Variants in VTCN1 observed in about 807,000 individuals in gnomAD.
VTCN1 encodes V-set domain containing T cell activation inhibitor 1, also known as V-set domain-containing T-cell activation inhibitor 1.
A neutral mutation model predicts 26.5 loss-of-function variants in VTCN1; 26 were observed. That is an observed-to-expected ratio of 0.98 (90% CI 0.72 to 1.36). The LOEUF is 1.36. VTCN1 is among the 40% of genes most tolerant of loss of function. The pLI, the probability that VTCN1 is intolerant of heterozygous loss-of-function variation, is 0.00. For synonymous variants in VTCN1, 116 were observed against 130.7 expected, an observed-to-expected ratio of 0.89 and a Z score of 0.77; for missense variants, 298 against 337.7, an observed-to-expected ratio of 0.88 and a Z score of 0.92.
At chr1:117,154,829 C>T (rs933356668) in intron 3 of VTCN1, among the ~76,000 whole-genome samples, 5 of 145,174 alleles carry the variant, frequency 3.4e-5, no homozygotes, top group African/African-American at 7.6e-5. Flanking sequence ...AAAGAAAAAA[C>T]GGAGAAACCG....
At chr1:117,188,553 C>A (rs964037273) in intron 1 of VTCN1, among the ~76,000 whole-genome samples, 5 of 152,074 alleles carry the variant, frequency 3.3e-5, no homozygotes, top group African/African-American at 1.2e-4. Flanking sequence ...GAAATTATTC[C>A]TTTGATTATA....
chr1:117,170,896 C>T (rs1433564734), intron 1 of VTCN1, among the ~76,000 whole-genome samples: 7 of 152,002 alleles, frequency 4.6e-5, no homozygotes, highest in Non-Finnish European at 8.8e-5. Context: ...CGTGCAGGTT[C>T]GTTACATAGG....
chr1:117,209,459 C>T (rs1342345591), intron 1 of VTCN1, among the ~76,000 whole-genome samples: 1 of 152,228 alleles, frequency 6.6e-6, no homozygotes, highest in Admixed American at 6.5e-5. Context: ...GAGCAAGATC[C>T]CCTCATGCAC....
Position 117,153,230 on chromosome 1 carries a change from G to C in VTCN1, c.585C>G (p.Ser195=). ...CAGAGTTCAGCTCAAAGCTGGTATT[G>C]GAGACTTCCGAGAAGTTGGCTCCCT... ...VDQGANFSEV[S]NTSFELNSEN... is the part of the protein sequence containing the mutation. Residue 195 remains serine, a synonymous_variant, in exon 4 of 6, where the codon TCC becomes TCG. Coordinates refer to ENST00000369458, the MANE Select transcript of VTCN1 (RefSeq NM_024626.4). 6.2e-7 allele frequency: 1 copy of C among 1,614,092 alleles called. No individual in the cohort carries two copies. The highest frequency in any genetic ancestry group is 8.5e-7 in the Non-Finnish European group (1 of 1,180,008).
chr1:117,145,752 G>A lies in VTCN1; in HGVS notation c.*46-527C>T, dbSNP rs1013507986. Reference sequence around the variant, plus strand: ...GGGCTCATGCAATCCTTCCACCTCAGCCTCCTGAGTAGCTGGGACCACAGG... The same window carrying A: ...GGGCTCATGCAATCCTTCCACCTCAACCTCCTGAGTAGCTGGGACCACAGG... On this transcript the variant is annotated intron_variant, in intron 5 of 5. Transcript: ENST00000369458. This position sits in a 1 kb window ranked among gnomAD's most constrained non-coding sequence, Gnocchi z 4.6. 6.6e-6 allele frequency among the ~76,000 whole-genome samples: 1 copy of A among 152,126 alleles called. No individual in the cohort carries two copies. The highest frequency in any genetic ancestry group is 2.4e-5 in the African/African-American group (1 of 41,426).
Position 117,156,495 on chromosome 1 carries a change from A to G in VTCN1, c.445+79T>C, listed in dbSNP as rs941570376. The G allele has an allele frequency of 5.0e-6, 7 of 1,394,920 alleles. No individual in the cohort carries two copies. In the African/African-American group the frequency reaches 8.7e-5, roughly 17 times the overall value. 86.4% of individuals were successfully genotyped at this position (1,394,920 alleles called of 1,614,324 possible). A position where few individuals can be genotyped will look rare whatever the true frequency, so the allele number is the denominator to read the frequency against. On this transcript the variant is annotated intron_variant, in intron 3 of 5. Transcript: ENST00000369458. ...ATCATTGTCTGATATTGGTCACAAC[A>G]TATTTCATAAGCAACTCATAATCTT...
At chr1:117,149,482 C>T (rs1651683323) in intron 4 of VTCN1, among the ~76,000 whole-genome samples, 1 of 152,074 alleles carries the variant, frequency 6.6e-6, no homozygotes, top group Admixed American at 6.6e-5. Flanking sequence ...AGTTAATACT[C>T]TCATAATTTC....
rs1651540409 is a variant in VTCN1, at chr1:117,146,889, G to C, written c.*45+724C>G. 6.6e-6 allele frequency among the ~76,000 whole-genome samples: 1 copy of C among 152,136 alleles called. No individual in the cohort carries two copies. The highest frequency in any genetic ancestry group is 2.1e-4 in the South Asian group (1 of 4,830). On this transcript the variant is annotated intron_variant, in intron 5 of 5. Coordinates refer to ENST00000369458, the MANE Select transcript of VTCN1 (RefSeq NM_024626.4). This position sits in a 1 kb window ranked among gnomAD's most constrained non-coding sequence, Gnocchi z 4.2. ...GGTACAGTGTTTCAAAACCAGTCGG[G>C]GTGTGAGATGATGAAGGCTGGATTA...
In VTCN1 at chr1:117,143,852, A is replaced by C. The variant is rs1651375834; in HGVS notation, c.*1419T>G. 2 of 152,178 alleles carry C rather than the reference A, an allele frequency of 1.3e-5. No homozygotes were observed. Among genetic ancestry groups the C allele is most frequent in the Non-Finnish European group, 2.9e-5 (2 of 68,026 alleles). 9.4% of individuals were successfully genotyped at this position (152,178 alleles called of 1,614,324 possible). A position where few individuals can be genotyped will look rare whatever the true frequency, so the allele number is the denominator to read the frequency against. On this transcript the variant is annotated 3_prime_UTR_variant, in exon 6 of 6. Transcript: ENST00000369458. ...TGGAAGGTATATGTTTGTTGCCTTA[A>C]TTTGAATTGTGGCCAGGCAGGGTCT... is the stretch of plus-strand genomic sequence containing the variant.
At chr1:117,170,083 G>T in intron 2 of VTCN1, 24 bp downstream of exon 2, 3 of 1,603,884 alleles carry the variant, frequency 1.9e-6, no homozygotes, top group Non-Finnish European at 2.6e-6. Context: ...TGAATAGATT[G>T]TAGTAATGCA....
At chr1:117,187,076 C>T (rs897270492) in intron 1 of VTCN1, among the ~76,000 whole-genome samples, 1 of 151,908 alleles carries the variant, frequency 6.6e-6, no homozygotes, top group Non-Finnish European at 1.5e-5. Context: ...TGCTTGAGTC[C>T]AGGAGTTCAA....
chr1:117,167,090 CAA>C lies in VTCN1; in HGVS notation c.97+3015_97+3016del, dbSNP rs61603048. On this transcript the variant is annotated intron_variant, in intron 2 of 5. Coordinates refer to ENST00000369458, the MANE Select transcript of VTCN1 (RefSeq NM_024626.4). This position sits in a 1 kb window ranked among gnomAD's most constrained non-coding sequence, Gnocchi z 4.1. The stretch of plus-strand genomic sequence containing the variant: ...CCTGAGCGACAGAGCAAGACTGTCT[CAA>C]AAAAAAAAAAAAGAATATATATGTA... Among the ~76,000 whole-genome samples, 9 of 107,436 alleles carry C rather than the reference CAA, an allele frequency of 8.4e-5. No individual in the cohort carries two copies. Among genetic ancestry groups the C allele is most frequent in the Admixed American group, 1.1e-4 (1 of 9,396 alleles). The allele number at this position is 107,436 out of a possible 152,430, so 70.5% of individuals were successfully genotyped here.
At chr1:117,152,325 C>A (rs913905030) in intron 4 of VTCN1, among the ~76,000 whole-genome samples, 3 of 152,048 alleles carry the variant, frequency 2.0e-5, no homozygotes, top group African/African-American at 7.3e-5. Context: ...TATTTTGTGC[C>A]CAGTGCTAGG....
chr1:117,180,066 A>G lies in VTCN1; in HGVS notation c.33-9895T>C, dbSNP rs1036778685. On this transcript the variant is annotated intron_variant, in intron 1 of 5. Coordinates refer to ENST00000369458, the MANE Select transcript of VTCN1 (RefSeq NM_024626.4). ...CTAGGCTTGTGTTTGTACAGTTGTA[A>G]CTGATGGAAGGACAGCACATACAAT... is the stretch of plus-strand genomic sequence containing the variant. Among the ~76,000 whole-genome samples, 12 of 152,134 alleles carry G rather than the reference A, an allele frequency of 7.9e-5. 1 individual carries two copies. Among genetic ancestry groups the G allele is most frequent in the Admixed American group, 5.9e-4 (9 of 15,268 alleles).
At chr1:117,192,318 G>A (rs1011600201) in intron 1 of VTCN1, among the ~76,000 whole-genome samples, 1 of 151,982 alleles carries the variant, frequency 6.6e-6, no homozygotes, top group African/African-American at 2.4e-5. Context: ...CAGAAATGAA[G>A]GACAGATGAA....
At chr1:117,170,241 G>A (rs1035424984) in intron 1 of VTCN1, 70 bp from the exon 2 acceptor site, 10 of 1,393,376 alleles carry the variant, frequency 7.2e-6, no homozygotes, top group Admixed American at 1.7e-5. Flanking sequence ...TGCAACTGGG[G>A]TACAAATCTG....
At chr1:117,200,005 C>G (rs1448150652) in intron 1 of VTCN1, among the ~76,000 whole-genome samples, 1 of 152,144 alleles carries the variant, frequency 6.6e-6, no homozygotes, top group Non-Finnish European at 1.5e-5. Flanking sequence ...ATGGAAAAAG[C>G]AGAGCATAAA....
chr1:117,188,984 C>A (rs1322965388), intron 1 of VTCN1, among the ~76,000 whole-genome samples: 1 of 152,100 alleles, frequency 6.6e-6, no homozygotes, highest in African/African-American at 2.4e-5. Context: ...CATATAAAGT[C>A]CAGATGTCTG....
chr1:117,184,014 G>C (rs954575920), intron 1 of VTCN1, among the ~76,000 whole-genome samples: 1 of 152,106 alleles, frequency 6.6e-6, no homozygotes, highest in Non-Finnish European at 1.5e-5. Flanking sequence ...TTCAAGCTGG[G>C]GACTCACTGC....
Sources: allele counts gnomAD v4.1 joint callset (sites outside exome capture counted in the v4.1 genomes callset), GRCh38; gene constraint gnomAD v4.1.1; non-coding constraint Gnocchi (gnomAD v3.1); transcripts MANE v1.5; gene names NCBI Gene and HGNC (gene_info 2026-07-23, HGNC 2026-07-21).